The following VWA8 variants were observed in gnomAD, a reference collection of about 807,000 sequenced individuals.
VWA8 encodes the protein von Willebrand factor A domain-containing protein 8.
In VWA8, 221 loss-of-function variants were observed where a neutral mutation model predicts 241.5. The ratio of observed to expected loss-of-function variants is 0.91; its 90% CI spans 0.82 to 1.02. The LOEUF (loss-of-function observed/expected upper bound fraction) is 1.02, where lower values mean the gene tolerates loss of function less well. Among genes scored for constraint, VWA8 ranks in the 50% least tolerant of loss-of-function variants. The pLI, the probability that VWA8 is intolerant of heterozygous loss-of-function variation, is 0.00. For missense variants in VWA8, 2,322 were observed against 2,328.7 expected, an observed-to-expected ratio of 1.00 and a Z score of 0.06; for synonymous variants, 852 against 827.1, an observed-to-expected ratio of 1.03 and a Z score of -0.52.
chr13:41,632,490 C>T (rs757116407), intron 37 of VWA8, among the ~76,000 whole-genome samples: 11 of 152,168 alleles, frequency 7.2e-5, no homozygotes, highest in Non-Finnish European at 1.3e-4. Flanking sequence ...ATGAGGAATT[C>T]TTTTCTGAAG....
At chr13:41,714,883 G>C (rs115071141) in intron 26 of VWA8, among the ~76,000 whole-genome samples, 8 of 151,774 alleles carry the variant, frequency 5.3e-5, no homozygotes, top group African/African-American at 1.9e-4. Flanking sequence ...GTTCCAAGTT[G>C]GTTACTTAAA....
chr13:41,800,084 G>A (rs920861459), intron 17 of VWA8, among the ~76,000 whole-genome samples: 1 of 152,070 alleles, frequency 6.6e-6, no homozygotes, highest in Non-Finnish European at 1.5e-5. Flanking sequence ...CATATTTTCA[G>A]GGTTCATCCA....
At chr13:41,698,938 C>T (rs1566419436) in intron 29 of VWA8, 133 bp downstream of exon 29, 8 of 1,184,772 alleles carry the variant, frequency 6.8e-6, no homozygotes, top group Non-Finnish European at 8.4e-6. Flanking sequence ...TGATAAAATG[C>T]AACTCCTGAC....
intron 12 of VWA8, among the ~76,000 whole-genome samples, chr13:41,841,859 A>ATATATG (rs1566478204): frequency 1.3e-5 from 1 of 74,470 alleles, no homozygotes; most frequent in Non-Finnish European, 2.5e-5. Flanking sequence ...ATATATATAT[A>ATATATG]AAAACAGTAG....
intron 15 of VWA8, among the ~76,000 whole-genome samples, chr13:41,818,338 A>AG (rs112629582): frequency 4.0e-4 from 60 of 148,600 alleles, no homozygotes; most frequent in Admixed American, 9.3e-4. Flanking sequence ...TGGGAGGCCA[A>AG]GGGGGGGTGG....
Position 41,816,731 on chromosome 13 carries a change from A to C in VWA8, c.1914T>G (p.Phe638Leu). Residue 638 changes from phenylalanine (F) to leucine (L), a missense_variant, in exon 16 of 45, where the codon TTT becomes TTG. Transcript: ENST00000379310. ...CCTGTGTTTCTCTGAGTTTGTGTGT[A>C]AATGATAATAACTTATCCAGAGCTT... ...PQEALDKLLS[F>L]THKLRETQDP... The C allele has an allele frequency of 6.2e-7, 1 of 1,613,788 alleles. No homozygotes were observed. The highest frequency in any genetic ancestry group is 8.5e-7 in the Non-Finnish European group (1 of 1,179,824).
chr13:41,748,101 T>C (rs1002259982), intron 21 of VWA8, among the ~76,000 whole-genome samples: 2 of 152,218 alleles, frequency 1.3e-5, no homozygotes, highest in African/African-American at 4.8e-5. Context: ...ATCAGGATGA[T>C]GCTGGCCTCA....
chr13:41,578,284 T>C (rs1488467753), intron 42 of VWA8, among the ~76,000 whole-genome samples: 1 of 152,180 alleles, frequency 6.6e-6, no homozygotes, highest in Non-Finnish European at 1.5e-5. Flanking sequence ...GGATGGAGCT[T>C]ATAAAATAGT....
At chr13:41,958,349 T>C (rs1878440065) in intron 1 of VWA8, among the ~76,000 whole-genome samples, 1 of 152,170 alleles carries the variant, frequency 6.6e-6, no homozygotes, top group African/African-American at 2.4e-5. Context: ...AACGAATATA[T>C]AGATAAACAA....
chr13:41,623,909 T>C (rs1277219851), intron 37 of VWA8, among the ~76,000 whole-genome samples: 2 of 152,008 alleles, frequency 1.3e-5, no homozygotes, highest in South Asian at 2.1e-4. Flanking sequence ...TAAAATAAGA[T>C]TGATAGATGG....
At chr13:41,836,158 C>G (rs1239976085) in intron 12 of VWA8, among the ~76,000 whole-genome samples, 1 of 152,052 alleles carries the variant, frequency 6.6e-6, no homozygotes, top group Non-Finnish European at 1.5e-5. Context: ...CTTCCTTGTT[C>G]TAATATGATG....
intron 37 of VWA8, among the ~76,000 whole-genome samples, chr13:41,645,992 G>GT (rs1326759418): frequency 1.4e-5 from 2 of 146,440 alleles, no homozygotes; most frequent in African/African-American, 5.1e-5. Flanking sequence ...TTGAGACGGA[G>GT]TTTTGCTCTT....
intron 2 of VWA8, among the ~76,000 whole-genome samples, chr13:41,912,629 T>C (rs1342881989): frequency 6.6e-6 from 1 of 152,194 alleles, no homozygotes; most frequent in Non-Finnish European, 1.5e-5. Flanking sequence ...TTAATGATTA[T>C]CATAGTCTTA....
At chr13:41,941,822 C>T (rs1053484982) in intron 2 of VWA8, among the ~76,000 whole-genome samples, 3 of 152,186 alleles carry the variant, frequency 2.0e-5, no homozygotes, top group Non-Finnish European at 2.9e-5. Context: ...CACCCCTATA[C>T]AGTCAAGGAG....
intron 2 of VWA8, among the ~76,000 whole-genome samples, chr13:41,921,466 G>A (rs969335624): frequency 3.3e-5 from 5 of 152,076 alleles, no homozygotes; most frequent in Non-Finnish European, 7.3e-5. Flanking sequence ...AGAAATTAAG[G>A]GTATTCGATT....
intron 20 of VWA8, among the ~76,000 whole-genome samples, chr13:41,766,376 A>G (rs1344915040): frequency 2.6e-5 from 4 of 152,336 alleles, no homozygotes; most frequent in Admixed American, 2.6e-4. Context: ...AATGGAAAAC[A>G]GGCAAAGAGA....
intron 40 of VWA8, among the ~76,000 whole-genome samples, chr13:41,595,909 C>T (rs906733823): frequency 3.3e-5 from 5 of 152,104 alleles, no homozygotes; most frequent in African/African-American, 1.2e-4. Context: ...GAACAGTTTT[C>T]CAAAGTGGTT....
chr13:41,938,944 C>T (rs1279740461), intron 2 of VWA8, among the ~76,000 whole-genome samples: 2 of 152,176 alleles, frequency 1.3e-5, no homozygotes, highest in Admixed American at 1.3e-4. Flanking sequence ...ATTTATGACA[C>T]TGATGAATTT....
intron 35 of VWA8, among the ~76,000 whole-genome samples, chr13:41,681,407 C>A (rs1467599351): frequency 6.6e-6 from 1 of 151,968 alleles, no homozygotes; most frequent in Non-Finnish European, 1.5e-5. Flanking sequence ...TCTTTAGCAA[C>A]AAATCTCACA....
Sources: gnomAD v4.1 joint callset for allele counts (sites outside exome capture counted in the v4.1 genomes callset) on GRCh38, gnomAD v4.1.1 for gene constraint, MANE v1.5 for transcripts, NCBI Gene and HGNC (gene_info 2026-07-23, HGNC 2026-07-21) for gene names.